TENT5D: variants seen among roughly 807,000 people sequenced by gnomAD.
TENT5D encodes terminal nucleotidyltransferase 5D, also known as cancer/testis antigen 112.
For synonymous variants in TENT5D, 103 were observed against 100.6 expected, an observed-to-expected ratio of 1.02 and a Z score of -0.15; for missense variants, 191 against 287.0, an observed-to-expected ratio of 0.67 and a Z score of 2.42.
intron 3 of TENT5D, among the ~76,000 whole-genome samples, chrX:80,371,098 T>C (rs756375135): frequency 8.9e-6 from 1 of 112,164 alleles, no homozygotes; most frequent in Non-Finnish European, 1.9e-5. Flanking sequence ...TTCCATTTTG[T>C]TGAGCTGCTT....
chrX:80,386,698 A>G (rs774592182), intron 3 of TENT5D, among the ~76,000 whole-genome samples: 1 of 111,919 alleles, frequency 8.9e-6, no homozygotes, highest in African/African-American at 3.2e-5. Context: ...ATCCTTGCCC[A>G]GTGTGGATTC....
exon 3 of TENT5D, chrX:80,443,317 C>T: frequency 8.3e-7 from 1 of 1,210,787 alleles, no homozygotes; most frequent in Non-Finnish European, 1.1e-6. Context: ...AAACCTAGAA[C>T]GTTATATGTG....
At chrX:80,357,560 C>A (rs1930311194) in intron 3 of TENT5D, among the ~76,000 whole-genome samples, 2 of 111,423 alleles carry the variant, frequency 1.8e-5, no homozygotes, top group Non-Finnish European at 3.8e-5. Flanking sequence ...TAAATGTCTT[C>A]TTTTGAGAAG....
intron 3 of TENT5D, among the ~76,000 whole-genome samples, chrX:80,368,908 A>T (rs1930563551): frequency 9.0e-6 from 1 of 111,704 alleles, no homozygotes; most frequent in Non-Finnish European, 1.9e-5. Flanking sequence ...TGCTTATATC[A>T]ACCTTTTTTT....
chrX:80,386,517 G>T (rs1192089883), intron 3 of TENT5D, among the ~76,000 whole-genome samples: 2 of 110,278 alleles, frequency 1.8e-5, no homozygotes, highest in Non-Finnish European at 3.8e-5. Context: ...TAACAAACAT[G>T]CACATTGTGC....
At chrX:80,383,580 G>A (rs5912424) in intron 3 of TENT5D, among the ~76,000 whole-genome samples, 61,879 of 111,177 alleles carry the variant, frequency 0.56, 13,670 homozygotes, top group Non-Finnish European at 0.71. Flanking sequence ...ACTTGGGCCG[G>A]GCGCATTGGC....
At chrX:80,362,608 C>A (rs1930431407) in intron 3 of TENT5D, among the ~76,000 whole-genome samples, 1 of 111,399 alleles carries the variant, frequency 9.0e-6, no homozygotes, top group African/African-American at 3.3e-5. Context: ...CTTGCTATAT[C>A]TCCTTTCTGT....
chrX:80,430,335 G>A (rs924055410), intron 1 of TENT5D, among the ~76,000 whole-genome samples: 1 of 111,260 alleles, frequency 9.0e-6, no homozygotes, highest in Non-Finnish European at 1.9e-5. Flanking sequence ...GAAATTAGGG[G>A]TTTCTTGGGT....
intron 3 of TENT5D, among the ~76,000 whole-genome samples, chrX:80,407,958 T>C (rs1212157388): frequency 5.4e-5 from 6 of 111,153 alleles, no homozygotes; most frequent in Non-Finnish European, 1.1e-4. Context: ...CACTCAAAAC[T>C]GCTCAACTAC....
At chrX:80,337,374 A>G (rs977537560) in intron 2 of TENT5D, among the ~76,000 whole-genome samples, 2 of 111,730 alleles carry the variant, frequency 1.8e-5, no homozygotes, top group East Asian at 5.6e-4. Context: ...TATTTTCTTC[A>G]TTTTTAGAGG....
chrX:80,443,049 A>G (rs757605310), exon 3 of TENT5D: 2 of 1,211,342 alleles, frequency 1.7e-6, no homozygotes, highest in Non-Finnish European at 1.1e-6. Flanking sequence ...GGCAGTTTGA[A>G]TTTAGTGTAG....
chrX:80,360,898 AAGCTGGACATGGT>A (rs1405216406), intron 3 of TENT5D, among the ~76,000 whole-genome samples: 1 of 112,157 alleles, frequency 8.9e-6, no homozygotes, highest in Non-Finnish European at 1.9e-5. Flanking sequence ...GAATCTTAAA[AAGCTGGACATGGT>A]AGCTCTTAAA....
chrX:80,426,348 AC>A (rs1931988329), intron 1 of TENT5D, among the ~76,000 whole-genome samples: 1 of 111,940 alleles, frequency 8.9e-6, no homozygotes, highest in Non-Finnish European at 1.9e-5. Context: ...CTTTAGTATT[AC>A]ACAAAAATCC....
intron 3 of TENT5D, among the ~76,000 whole-genome samples, chrX:80,345,756 G>A (rs1170249414): frequency 9.0e-6 from 1 of 111,588 alleles, no homozygotes; most frequent in Non-Finnish European, 1.9e-5. Flanking sequence ...TCTCTCTTTA[G>A]CCAGCTTAGC....
intron 3 of TENT5D, among the ~76,000 whole-genome samples, chrX:80,392,558 G>T (rs1274905619): frequency 9.0e-5 from 7 of 77,951 alleles, no homozygotes; most frequent in Middle Eastern, 0.02. Flanking sequence ...CGCCCAGGCC[G>T]GACTGCGGAC....
chrX:80,344,491 C>T (rs943960118), intron 3 of TENT5D, among the ~76,000 whole-genome samples: 8 of 109,967 alleles, frequency 7.3e-5, no homozygotes, highest in Non-Finnish European at 9.5e-5. Context: ...TTAATAATAG[C>T]CATACTGACT....
chrX:80,372,614 C>T (rs183824517), intron 3 of TENT5D, among the ~76,000 whole-genome samples: 17 of 110,824 alleles, frequency 1.5e-4, no homozygotes, highest in East Asian at 5.7e-4. Context: ...GAGCCAGGTG[C>T]GGTGGCTCAT....
intron 3 of TENT5D, among the ~76,000 whole-genome samples, chrX:80,345,351 C>T (rs1930037184): frequency 8.9e-6 from 1 of 111,753 alleles, no homozygotes; most frequent in African/African-American, 3.2e-5. Flanking sequence ...TCTTCATCTT[C>T]CTTAGAACTT....
At chrX:80,435,153 T>A (rs1275182789) in intron 1 of TENT5D, among the ~76,000 whole-genome samples, 1 of 111,897 alleles carries the variant, frequency 8.9e-6, no homozygotes. Context: ...TATTACAGCA[T>A]AAATGATACA....
Sources: gnomAD v4.1 joint callset for allele counts (sites outside exome capture counted in the v4.1 genomes callset) on GRCh38, gnomAD v4.1.1 for gene constraint, MANE v1.5 for transcripts, NCBI Gene and HGNC (gene_info 2026-07-23, HGNC 2026-07-21) for gene names.